GAD1: variants seen among roughly 807,000 people sequenced by gnomAD.
GAD1 encodes glutamate decarboxylase 1.
In GAD1, 35 loss-of-function variants were observed where a neutral mutation model predicts 75.2. The ratio of observed to expected loss-of-function variants is 0.47; its 90% CI spans 0.36 to 0.62. The LOEUF is 0.62. Among genes scored for constraint, GAD1 ranks in the 20% least tolerant of loss-of-function variants. The pLI, the probability that GAD1 is intolerant of heterozygous loss-of-function variation, is 0.00. For synonymous variants in GAD1, 257 were observed against 271.9 expected (o/e 0.95, Z 0.54); for missense variants, 490 against 758.5 (o/e 0.65, Z 4.16).
intron 14 of GAD1, among the ~76,000 whole-genome samples, chr2:170,854,535 G>GGACT (rs1328124143): frequency 1.3e-5 from 2 of 151,536 alleles, no homozygotes. Flanking sequence ...AGAGTAGCTG[G>GGACT]GACTACAGGG....
chr2:170,825,232 C>CA (rs919074197), intron 3 of GAD1, among the ~76,000 whole-genome samples: 6 of 151,942 alleles, frequency 3.9e-5, no homozygotes, highest in African/African-American at 1.5e-4. Context: ...CAAAAACTTT[C>CA]AAAAAATTAG....
rs1701760078 is a variant in GAD1, at chr2:170,818,130, C to G, written c.-63-399C>G. 1 of 180,632 alleles carries G rather than the reference C, an allele frequency of 5.5e-6. No individual in the cohort carries two copies. The highest frequency in any genetic ancestry group is 2.4e-5 in the African/African-American group (1 of 42,120). The allele number at this position is 180,632 out of a possible 1,614,324, so 11.2% of individuals were successfully genotyped here. A position where few individuals can be genotyped will look rare whatever the true frequency, so the allele number is the denominator to read the frequency against. On this transcript the variant is annotated intron_variant, in intron 1 of 16. Coordinates refer to ENST00000358196, the MANE Select transcript of GAD1 (RefSeq NM_000817.3). This position sits in a 1 kb window ranked among gnomAD's most constrained non-coding sequence, Gnocchi z 5.9. Reference sequence around the variant, plus strand: ...GCCGGCTGCTGAGTGCCCAATGGGGCTTGTAGCGGCTCGGCTGGAAAATCG... The same window carrying G: ...GCCGGCTGCTGAGTGCCCAATGGGGGTTGTAGCGGCTCGGCTGGAAAATCG...
chr2:170,817,924 GT>G, intron 1 of GAD1: 1 of 152,920 alleles, frequency 6.5e-6, no homozygotes, highest in Non-Finnish European at 1.5e-5. Context: ...CTCTGGCCAA[GT>G]CCGAGGGAGA....
chr2:170,834,033 C>T (rs935005669), intron 5 of GAD1, among the ~76,000 whole-genome samples: 2 of 151,780 alleles, frequency 1.3e-5, no homozygotes, highest in Non-Finnish European at 2.9e-5. Flanking sequence ...AGAGAGAAAG[C>T]ATTGACTTTC....
intron 15 of GAD1, among the ~76,000 whole-genome samples, chr2:170,858,348 T>A (rs955485032): frequency 5.3e-5 from 8 of 152,194 alleles, no homozygotes; most frequent in African/African-American, 9.7e-5. Flanking sequence ...ACCCTATTAA[T>A]TGATATATCC....
At chr2:170,828,879 T>G (rs1702138513) in intron 3 of GAD1, 1 of 184,146 alleles carries the variant, frequency 5.4e-6, no homozygotes, top group South Asian at 8.9e-5. Flanking sequence ...GTCCTTGCTC[T>G]CCTCCCTCTG....
chr2:170,813,568 T>G (rs1209687750), upstream of GAD1: 1 of 155,852 alleles, frequency 6.4e-6, no homozygotes, highest in African/African-American at 2.4e-5. Flanking sequence ...CAAAAAAAAT[T>G]GACGTGTCCT....
intron 6 of GAD1, among the ~76,000 whole-genome samples, chr2:170,841,285 T>C (rs4668329): frequency 0.059 from 9,000 of 152,252 alleles, 528 homozygotes; most frequent in African/African-American, 0.13. Flanking sequence ...ACCTGGAATC[T>C]AGGTTGCAAG....
At chr2:170,817,183 G>C (rs1701719861) in intron 1 of GAD1, 135 bp downstream of exon 1, 1 of 99,650 alleles carries the variant, frequency 1.0e-5, no homozygotes, top group Non-Finnish European at 2.1e-5. Flanking sequence ...AGTGCTTCCT[G>C]CCCGCCCTAG....
At chr2:170,848,432 G>A (rs1575443387) in intron 11 of GAD1, among the ~76,000 whole-genome samples, 1 of 151,592 alleles carries the variant, frequency 6.6e-6, no homozygotes, top group Non-Finnish European at 1.5e-5. Flanking sequence ...TAGGGATGGA[G>A]GTTGCAGTGA....
intron 15 of GAD1, among the ~76,000 whole-genome samples, chr2:170,858,251 T>C (rs1702895293): frequency 6.6e-6 from 1 of 152,148 alleles, no homozygotes; most frequent in South Asian, 2.1e-4. Context: ...CAGGAATCTT[T>C]AGAGGAGGGA....
At chr2:170,849,518 A>C (rs1047498605) in intron 12 of GAD1, among the ~76,000 whole-genome samples, 168 bp downstream of exon 12, 21 of 152,186 alleles carry the variant, frequency 1.4e-4, no homozygotes, top group African/African-American at 4.3e-4. Flanking sequence ...CTGATTTCCC[A>C]GTCAAATGAG....
chr2:170,848,594 C>G, intron 11 of GAD1: 1 of 451,190 alleles, frequency 2.2e-6, no homozygotes, highest in Non-Finnish European at 4.4e-6. Flanking sequence ...AGACTTAATC[C>G]CAAATCTTCC....
intron 5 of GAD1, among the ~76,000 whole-genome samples, chr2:170,831,576 G>A (rs951987525): frequency 2.1e-5 from 3 of 145,704 alleles, no homozygotes; most frequent in Admixed American, 6.9e-5. Context: ...GCAACATGGC[G>A]AAACCTTGTC....
chr2:170,829,578 C>A lies in GAD1; in HGVS notation c.249C>A (p.Asp83Glu), dbSNP rs201750984. The A allele has an allele frequency of 1.3e-4, 217 of 1,613,782 alleles. No individual in the cohort carries two copies. The highest frequency in any genetic ancestry group is 1.7e-4 in the Non-Finnish European group (204 of 1,180,036). ...ACCTGCTTTCCTGTGAAAACAGCGACCGGGATGCCCGCTTCCGGCGCACAG... is the reference window on the plus strand; with the variant it reads ...ACCTGCTTTCCTGTGAAAACAGCGAACGGGATGCCCGCTTCCGGCGCACAG... Reference protein sequence around the residue: ...SKNLLSCENSDRDARFRRTET... With the variant: ...SKNLLSCENSERDARFRRTET... The change falls in exon 4 of 17, where the codon GAC becomes GAA. Residue 83 changes from aspartate (D) to glutamate (E), a missense_variant. Asp to Glu is a conservative substitution (Grantham distance 45, BLOSUM62 2). Transcript: ENST00000358196.
chr2:170,859,051 T>C (rs1702909922), intron 16 of GAD1, among the ~76,000 whole-genome samples, 158 bp downstream of exon 16: 1 of 152,214 alleles, frequency 6.6e-6, no homozygotes, highest in African/African-American at 2.4e-5. Flanking sequence ...TCCTGTTATA[T>C]TCCTCTTGAG....
At chr2:170,827,745 C>T (rs958166334) in intron 3 of GAD1, among the ~76,000 whole-genome samples, 1 of 152,164 alleles carries the variant, frequency 6.6e-6, no homozygotes, top group Admixed American at 6.5e-5. Flanking sequence ...TCCTGGAGGG[C>T]AGGGGATCTG....
chr2:170,842,153 T>C (rs1382286622), intron 6 of GAD1, among the ~76,000 whole-genome samples: 1 of 152,180 alleles, frequency 6.6e-6, no homozygotes, highest in Non-Finnish European at 1.5e-5. Context: ...ATGCAAACCT[T>C]GGGCCTAATT....
chr2:170,844,197 T>C (rs1324950703), intron 7 of GAD1, 40 bp downstream of exon 7: 1 of 1,146,132 alleles, frequency 8.7e-7, no homozygotes, highest in Non-Finnish European at 1.3e-6. Flanking sequence ...GGTTTGGGAT[T>C]CTTAAGAATA....
Sources: allele counts gnomAD v4.1 joint callset (sites outside exome capture counted in the v4.1 genomes callset), GRCh38; gene constraint gnomAD v4.1.1; non-coding constraint Gnocchi (gnomAD v3.1); transcripts MANE v1.5; gene names NCBI Gene and HGNC (gene_info 2026-07-23, HGNC 2026-07-21).